Variants in RHOT1 observed in about 807,000 individuals in gnomAD.
RHOT1 encodes the protein mitochondrial Rho GTPase 1.
A neutral mutation model predicts 95.3 loss-of-function variants in RHOT1; 27 were observed. That is an observed-to-expected ratio of 0.28 (90% CI 0.21 to 0.39). RHOT1 has a LOEUF of 0.39. Among genes scored for constraint, RHOT1 ranks in the 10% least tolerant of loss-of-function variants. The pLI, the probability that RHOT1 is intolerant of heterozygous loss-of-function variation, is 1.00. For missense variants in RHOT1, 578 were observed against 786.7 expected (o/e 0.73, Z 3.17); for synonymous variants, 227 against 263.5 (o/e 0.86, Z 1.34).
At chr17:32,177,445 A>G (rs942293632) in intron 6 of RHOT1, among the ~76,000 whole-genome samples, 1 of 152,074 alleles carries the variant, frequency 6.6e-6, no homozygotes, top group Non-Finnish European at 1.5e-5. Flanking sequence ...CGCCATTTCT[A>G]GGAGGGAATC....
intron 19 of RHOT1, among the ~76,000 whole-genome samples, chr17:32,215,742 T>A (rs975843715): frequency 3.3e-5 from 5 of 152,190 alleles, no homozygotes; most frequent in African/African-American, 1.2e-4. Flanking sequence ...GAATTAAAAA[T>A]TTTTATTTCC....
intron 1 of RHOT1, among the ~76,000 whole-genome samples, chr17:32,167,098 A>G (rs961658174): frequency 6.6e-6 from 1 of 152,220 alleles, no homozygotes; most frequent in African/African-American, 2.4e-5. Flanking sequence ...ACTGGATGTC[A>G]TGTTAGCAGG....
chr17:32,151,659 GATC>G (rs1201019720), intron 1 of RHOT1, among the ~76,000 whole-genome samples: 1 of 152,124 alleles, frequency 6.6e-6, no homozygotes, highest in East Asian at 1.9e-4. Context: ...GAGGTGGGCA[GATC>G]ACGAGGTCAG....
At chr17:32,187,094 G>T (rs780174890) in intron 8 of RHOT1, among the ~76,000 whole-genome samples, 2 of 151,874 alleles carry the variant, frequency 1.3e-5, no homozygotes, top group African/African-American at 4.8e-5. Flanking sequence ...CGAGACCAGC[G>T]TGGCCAACGT....
intron 1 of RHOT1, chr17:32,151,370 C>G: frequency 1.6e-6 from 1 of 609,268 alleles, no homozygotes; most frequent in Non-Finnish European, 3.1e-6. Flanking sequence ...CAAGACTGCA[C>G]CACTGCACTC....
chr17:32,182,934 G>C (rs2035755644), intron 7 of RHOT1, 69 bp downstream of exon 7: 1 of 994,048 alleles, frequency 1.0e-6, no homozygotes, highest in Admixed American at 2.2e-5. Flanking sequence ...TTTTAAATAG[G>C]GGGGACAATG....
At chr17:32,184,130 C>A (rs1397842060) in intron 8 of RHOT1, among the ~76,000 whole-genome samples, 1 of 152,186 alleles carries the variant, frequency 6.6e-6, no homozygotes, top group Non-Finnish European at 1.5e-5. Flanking sequence ...TTGTACTATT[C>A]CGTGGTTTTT....
At chr17:32,185,668 A>G (rs988609525) in intron 8 of RHOT1, among the ~76,000 whole-genome samples, 1 of 150,738 alleles carries the variant, frequency 6.6e-6, no homozygotes, top group Admixed American at 6.6e-5. Flanking sequence ...TTGGCCTCCC[A>G]AAGTGTTGGG....
chr17:32,209,884 C>T (rs2038006576), intron 18 of RHOT1: 1 of 152,164 alleles, frequency 6.6e-6, no homozygotes, highest in Non-Finnish European at 1.5e-5. Flanking sequence ...CAGATGGATT[C>T]CAGTATGACA....
chr17:32,178,442 G>A (rs770489902), intron 6 of RHOT1, among the ~76,000 whole-genome samples: 4 of 151,902 alleles, frequency 2.6e-5, no homozygotes, highest in African/African-American at 9.7e-5. Context: ...TCTGCCTGCC[G>A]TGGCCTCCCG....
chr17:32,206,805 T>A (rs2037789017), intron 16 of RHOT1, 105 bp from the exon 17 acceptor site: 2 of 831,016 alleles, frequency 2.4e-6, no homozygotes, highest in Admixed American at 2.8e-5. Context: ...GCTTAACCAG[T>A]ACTTTTAAAC....
At chr17:32,220,823 A>AG (rs2038787702) in intron 19 of RHOT1, among the ~76,000 whole-genome samples, 2 of 151,460 alleles carry the variant, frequency 1.3e-5, no homozygotes, top group Admixed American at 6.6e-5. Flanking sequence ...AAAAAAAAAA[A>AG]GTCTAAAAGG....
At chr17:32,220,025 C>G (rs1168296052) in intron 19 of RHOT1, among the ~76,000 whole-genome samples, 3 of 152,150 alleles carry the variant, frequency 2.0e-5, no homozygotes, top group Non-Finnish European at 2.9e-5. Context: ...ATGAAAACAT[C>G]CTAAATATAG....
At chr17:32,222,369 G>A (rs1323016154) in intron 19 of RHOT1, among the ~76,000 whole-genome samples, 3 of 152,232 alleles carry the variant, frequency 2.0e-5, no homozygotes, top group East Asian at 3.9e-4. Flanking sequence ...ACGACTAATC[G>A]TTGTTAACCT....
At chr17:32,186,607 C>T (rs1005428636) in intron 8 of RHOT1, among the ~76,000 whole-genome samples, 26 of 151,980 alleles carry the variant, frequency 1.7e-4, no homozygotes, top group South Asian at 6.2e-4. Context: ...CCTCGTGATC[C>T]GCCCGCCTCG....
Position 32,206,192 on chromosome 17 carries a change from CTTTTTTTTTTTTTTTT to C in RHOT1, c.1417-703_1417-688del, listed in dbSNP as rs71144812. Among the ~76,000 whole-genome samples the C allele has an allele frequency of 1.7e-4, 10 of 60,528 alleles. 1 individual carries two copies. The South Asian group carries it at 2.6e-3, about 16-fold the overall frequency. 39.7% of individuals were successfully genotyped at this position (60,528 alleles called of 152,430 possible). ...TCACTAATACTAGCTTCCATAGAAT[CTTTTTTTTTTTTTTTT>C]TTTTTTTTTTTTTTGAGACAAGGTT... On this transcript the variant is annotated intron_variant, in intron 16 of 19. Coordinates refer to ENST00000545287, the MANE Select transcript of RHOT1 (RefSeq NM_001033566.3).
At chr17:32,209,708 G>A (rs1012279849) in intron 18 of RHOT1, 3 of 307,788 alleles carry the variant, frequency 9.7e-6, no homozygotes, top group Non-Finnish European at 1.9e-5. Flanking sequence ...TTGTGTGTGT[G>A]TGTGTTATAT....
intron 1 of RHOT1, among the ~76,000 whole-genome samples, chr17:32,155,008 C>T (rs951874075): frequency 1.3e-5 from 2 of 151,908 alleles, no homozygotes; most frequent in South Asian, 4.2e-4. Context: ...CACCTGGGGC[C>T]AGGAAGTTGA....
intron 11 of RHOT1, among the ~76,000 whole-genome samples, chr17:32,198,148 G>A (rs576812667): frequency 6.0e-5 from 9 of 148,990 alleles, no homozygotes; most frequent in Non-Finnish European, 1.3e-4. Context: ...TCCTTGCCTC[G>A]GTCTCCCAAA....
Sources: allele counts gnomAD v4.1 joint callset (sites outside exome capture counted in the v4.1 genomes callset), GRCh38; gene constraint gnomAD v4.1.1; transcripts MANE v1.5; gene names NCBI Gene and HGNC (gene_info 2026-07-23, HGNC 2026-07-21).